The following UQCRC1 variants were observed in gnomAD, a reference collection of about 807,000 sequenced individuals.
The protein encoded by UQCRC1 is ubiquinol-cytochrome c reductase core protein 1.
In UQCRC1, 34 loss-of-function variants were observed where a neutral mutation model predicts 58.0. The ratio of observed to expected loss-of-function variants is 0.59; its 90% CI spans 0.45 to 0.78. The LOEUF (loss-of-function observed/expected upper bound fraction) is 0.78. Among genes scored for constraint, UQCRC1 ranks in the 30% least tolerant of loss-of-function variants. The pLI is 0.00. For missense variants in UQCRC1, 610 were observed against 646.0 expected, an observed-to-expected ratio of 0.94 and a Z score of 0.60; for synonymous variants, 276 against 248.8, an observed-to-expected ratio of 1.11 and a Z score of -1.03.
chr3:48,608,723 C>A lies in UQCRC1; in HGVS notation c.210+439G>T, dbSNP rs180921080. ...AATTTGTATTTTTTGGAAAATCACA[C>A]ATTTCATTGTACTGTTAAAATGCAT... is the stretch of plus-strand genomic sequence containing the variant. On this transcript the variant is annotated intron_variant, in intron 2 of 12. Coordinates refer to ENST00000203407, the MANE Select transcript of UQCRC1 (RefSeq NM_003365.3). Among the ~76,000 whole-genome samples the A allele has an allele frequency of 4.0e-3, 612 of 152,312 alleles. 2 individuals are homozygous for A. The highest frequency in any genetic ancestry group is 6.7e-3 in the Non-Finnish European group (453 of 68,008).
intron 3 of UQCRC1, 33 bp from the exon 4 acceptor site, chr3:48,604,813 G>A (rs747385840): frequency 1.2e-6 from 2 of 1,612,562 alleles, no homozygotes; most frequent in Non-Finnish European, 8.5e-7. Flanking sequence ...ACAATCAGGA[G>A]CTACACAGGA....
chr3:48,600,933 T>C (rs1317154734), intron 8 of UQCRC1, 42 bp downstream of exon 8: 1 of 1,602,558 alleles, frequency 6.2e-7, no homozygotes, highest in East Asian at 2.2e-5. Flanking sequence ...CAGCACCCTC[T>C]CTTCCCTGAA....
intron 7 of UQCRC1, 64 bp from the exon 8 acceptor site, chr3:48,601,182 G>A: frequency 6.4e-7 from 1 of 1,561,988 alleles, no homozygotes; most frequent in Non-Finnish European, 8.7e-7. Context: ...AAAGGTGGCA[G>A]GTGTGGGTAG....
Position 48,600,565 on chromosome 3 carries a change from A to G in UQCRC1, c.1130T>C (p.Met377Thr). ...CTCCGTGGCACTGGTACACAGGCGC[A>G]TCCTAAAGTGGGGGGGTGGGTGGTA... ...DMMFVLQGQW[M>T]RLCTSATESE... is the part of the protein sequence containing the mutation. Residue 377 changes from methionine to threonine, a missense_variant and splice_region_variant, in exon 10 of 13, where the codon ATG (methionine) becomes ACG (threonine). Physicochemically the swap from Met to Thr is moderately conservative, Grantham distance 81. Transcript: ENST00000203407. 1 of 1,614,084 alleles carries G rather than the reference A, an allele frequency of 6.2e-7. No individual in the cohort carries two copies. The highest frequency in any genetic ancestry group is 1.3e-5 in the African/African-American group (1 of 74,998).
rs2046388039 is a variant in UQCRC1, at chr3:48,603,860, C to T, written c.627-217G>A. ...TCTGCCCTTGCCTCATGCCTGACTT[C>T]AGGACAGGCTCATAGTCTTCTCTGA... On this transcript the variant is annotated intron_variant, in intron 5 of 12. Transcript: ENST00000203407. 7 of 597,722 alleles carry T rather than the reference C, an allele frequency of 1.2e-5. No individual in the cohort carries two copies. In the Admixed American group the frequency reaches 1.4e-4, roughly 12 times the overall value. 37.0% of individuals were successfully genotyped at this position (597,722 alleles called of 1,614,324 possible).
rs530754209 is a variant in UQCRC1, at chr3:48,604,553, C to T, written c.427+98G>A. ...CTAGTTGCCCAGCTGCAAAGCCATA[C>T]GCTAAGGGTAATATGATTCTGTGGT... On this transcript the variant is annotated intron_variant, in intron 4 of 12. Transcript: ENST00000203407. 1.2e-4 allele frequency: 195 copies of T among 1,592,376 alleles called. 2 individuals are homozygous for T. The South Asian group carries it at 1.9e-3, about 15-fold the overall frequency.
Position 48,599,154 on chromosome 3 carries a change from T to A in UQCRC1, c.1417A>T (p.Ser473Cys). The A allele has an allele frequency of 6.2e-7, 1 of 1,611,464 alleles. No homozygotes were observed. The highest frequency in any genetic ancestry group is 8.5e-7 in the Non-Finnish European group (1 of 1,178,468). The change falls in exon 13 of 13, where the codon AGC becomes TGC. Residue 473 changes from serine (S) to cysteine (C), a missense_variant. Coordinates refer to ENST00000203407, the MANE Select transcript of UQCRC1 (RefSeq NM_003365.3). ...EQLPDYNRIR[S>C]GMFWLRF ...TAGAAGCGCAGCCAGAACATGCCGC[T>A]ACGGATCCGGTTGTAGTCTGGGAGC...
intron 6 of UQCRC1, among the ~76,000 whole-genome samples, 195 bp from the exon 7 acceptor site, chr3:48,601,662 GC>G (rs1461205205): frequency 6.6e-6 from 1 of 152,216 alleles, no homozygotes; most frequent in African/African-American, 2.4e-5. Context: ...GCACCTCAGG[GC>G]CAAATAGCTC....
At chr3:48,601,175 G>A in intron 7 of UQCRC1, 57 bp from the exon 8 acceptor site, 1 of 1,567,074 alleles carries the variant, frequency 6.4e-7, no homozygotes, top group Non-Finnish European at 8.7e-7. Context: ...GAACAGAAAA[G>A]GTGGCAGGTG....
chr3:48,601,341 A>G lies in UQCRC1; in HGVS notation c.822+11T>C. 1 of 1,613,646 alleles carries G rather than the reference A, an allele frequency of 6.2e-7. No homozygotes were observed. The highest frequency in any genetic ancestry group is 8.5e-7 in the Non-Finnish European group (1 of 1,179,710). On this transcript the variant is annotated intron_variant, in intron 7 of 12. Coordinates refer to ENST00000203407, the MANE Select transcript of UQCRC1 (RefSeq NM_003365.3). ...CAGCTGAGCACTACTCCTGCCCAAA[A>G]GGCAGCATACCTCACTGCCAGTGAA...
intron 9 of UQCRC1, 45 bp downstream of exon 9, chr3:48,600,635 G>C: frequency 6.2e-7 from 1 of 1,614,064 alleles, no homozygotes; most frequent in Non-Finnish European, 8.5e-7. Flanking sequence ...CCACTGTGCT[G>C]GTTAAAGCCG....
intron 6 of UQCRC1, 43 bp downstream of exon 6, chr3:48,603,521 C>G (rs370760243): frequency 3.1e-5 from 50 of 1,604,340 alleles, no homozygotes; most frequent in Non-Finnish European, 4.3e-5. Context: ...ATAACCAAGG[C>G]TGGGACCCCA....
rs1448709877 is a variant in UQCRC1, at chr3:48,603,661, A to G, written c.627-18T>C. ...ACAGCTTCCTACAAGACATATGGTCAGTGTGTCAACACCTCTACCACACTG... is the reference window on the plus strand; with the variant it reads ...ACAGCTTCCTACAAGACATATGGTCGGTGTGTCAACACCTCTACCACACTG... On this transcript the variant is annotated intron_variant, in intron 5 of 12. Coordinates refer to ENST00000203407, the MANE Select transcript of UQCRC1 (RefSeq NM_003365.3). The G allele has an allele frequency of 6.2e-7, 1 of 1,611,992 alleles. No homozygotes were observed. Among genetic ancestry groups the G allele is most frequent in the East Asian group, 2.2e-5 (1 of 44,836 alleles).
rs374793592 is a variant in UQCRC1 at position 48,599,202 on chromosome 3, T to G, written c.1379-10A>C. On this transcript the variant is annotated splice_polypyrimidine_tract_variant and intron_variant, in intron 12 of 12. Transcript: ENST00000203407. ...AGCTGCTCAATGGGGCCTGTGGGGA[T>G]AGGGTGGAGCGTCAGGGTGGGGTAC... is the stretch of plus-strand genomic sequence containing the variant. The G allele has an allele frequency of 1.5e-5, 24 of 1,595,388 alleles. No individual in the cohort carries two copies. The African/African-American group carries it at 3.1e-4, about 21-fold the overall frequency.
rs574941486 is a variant in UQCRC1 at position 48,604,320 on chromosome 3, C to T, written c.539G>A (p.Arg180Gln). 6.2e-6 allele frequency: 10 copies of T among 1,614,094 alleles called. No homozygotes were observed. The African/African-American group carries it at 6.7e-5, about 11-fold the overall frequency. The change falls in exon 5 of 13, where the codon CGA becomes CAA. Residue 180 changes from arginine (R) to glutamine (Q), a missense_variant. Arg to Gln is a conservative substitution (Grantham distance 43). Coordinates refer to ENST00000203407, the MANE Select transcript of UQCRC1 (RefSeq NM_003365.3). Reference sequence around the variant, plus strand: ...ATGCAGGTAGTTAAAGACCACATCTCGCATAGATGCATCATTCTCCTGCAT... The same window carrying T: ...ATGCAGGTAGTTAAAGACCACATCTTGCATAGATGCATCATTCTCCTGCAT... ...REMQENDASM[R>Q]DVVFNYLHAT...
At chr3:48,603,673 C>A (rs201771292) in intron 5 of UQCRC1, 30 bp from the exon 6 acceptor site, 1 of 1,600,038 alleles carries the variant, frequency 6.2e-7, no homozygotes, top group African/African-American at 1.3e-5. Context: ...TGTGTCAACA[C>A]CTCTACCACA....
At chr3:48,603,465 C>A in intron 6 of UQCRC1, 99 bp downstream of exon 6, 1 of 1,214,642 alleles carries the variant, frequency 8.2e-7, no homozygotes, top group East Asian at 2.5e-5. Flanking sequence ...GCAGAGTCCC[C>A]TGGGGTGAAA....
Position 48,600,758 on chromosome 3 carries a change from T to C in UQCRC1, c.1049A>G (p.Glu350Gly), listed in dbSNP as rs768642785. The C allele has an allele frequency of 9.3e-6, 15 of 1,614,070 alleles. No homozygotes were observed. Among genetic ancestry groups the C allele is most frequent in the Admixed American group, 1.7e-5 (1 of 60,008 alleles). ...AAAGTGTGCACCCAGCAAGCCCGTC[T>C]CTGCATAGCAGATGCTGAAGGTCTG... The part of the protein sequence containing the change: ...SFQTFSICYA[E>G]TGLLGAHFVC... The change falls in exon 9 of 13, where the codon GAG becomes GGG. Residue 350 changes from glutamate (E) to glycine (G), a missense_variant. Transcript: ENST00000203407.
At chr3:48,604,477 G>T in intron 4 of UQCRC1, 46 bp from the exon 5 acceptor site, 1 of 1,603,612 alleles carries the variant, frequency 6.2e-7, no homozygotes, top group South Asian at 1.1e-5. Flanking sequence ...GACCACTGCA[G>T]ACCAACGACA....
Sources: allele counts gnomAD v4.1 joint callset (sites outside exome capture counted in the v4.1 genomes callset), GRCh38; gene constraint gnomAD v4.1.1; transcripts MANE v1.5; gene names NCBI Gene and HGNC (gene_info 2026-07-23, HGNC 2026-07-21).